The following RSPH14 variants were observed in gnomAD, a reference collection of about 807,000 sequenced individuals.
The protein encoded by RSPH14 is radial spoke head 14 homolog.
RSPH14 carries 20 observed loss-of-function variants against 26.7 expected under a neutral mutation model. The observed-to-expected ratio is 0.75, with a 90% CI of 0.53 to 1.09. The LOEUF is 1.09. Among genes scored for constraint, RSPH14 ranks in the 50% least tolerant of loss-of-function variants. The probability of loss-of-function intolerance (pLI) is 0.00; values close to 1 mark genes in which losing one functional copy is unlikely to be tolerated. For synonymous variants in RSPH14, 177 were observed against 189.3 expected (o/e 0.93, Z 0.53); for missense variants, 449 against 457.2 (o/e 0.98, Z 0.16).
At chr22:23,059,751 G>A (rs2068052251) in intron 6 of RSPH14, 33 bp from the exon 7 acceptor site, 1 of 1,494,686 alleles carries the variant, frequency 6.7e-7, no homozygotes, top group African/African-American at 1.4e-5. Flanking sequence ...GTTCCAAACA[G>A]CCCAAGGGGC....
At chr22:23,078,631 C>T (rs547474098) in intron 4 of RSPH14, among the ~76,000 whole-genome samples, 2 of 152,340 alleles carry the variant, frequency 1.3e-5, no homozygotes, top group South Asian at 4.1e-4. Flanking sequence ...ACTGCGGTCC[C>T]CAGGGACCAC....
intron 4 of RSPH14, among the ~76,000 whole-genome samples, chr22:23,086,032 C>T (rs1201045997): frequency 6.6e-6 from 1 of 152,390 alleles, no homozygotes; most frequent in East Asian, 1.9e-4. Flanking sequence ...TGGCTAGTGG[C>T]AGAAGCGGTT....
chr22:23,160,738 TG>T, the RSPH14 span: 1 of 1,190,546 alleles, frequency 8.4e-7, no homozygotes, highest in Non-Finnish European at 1.2e-6. Context: ...TGTGCCCTCC[TG>T]GGGTCATTGT....
At chr22:23,139,212 C>G (rs553035200) in intron 2 of RSPH14, among the ~76,000 whole-genome samples, 3 of 152,388 alleles carry the variant, frequency 2.0e-5, no homozygotes, top group Non-Finnish European at 2.9e-5. Context: ...AAGAAAATGG[C>G]CTTTGCCATT....
intron 4 of RSPH14, among the ~76,000 whole-genome samples, chr22:23,107,662 G>A (rs2069521747): frequency 6.6e-6 from 1 of 152,156 alleles, no homozygotes; most frequent in Admixed American, 6.5e-5. Context: ...AGAAGCACCG[G>A]AACCCACCAA....
At chr22:23,158,772 C>A in the RSPH14 span, 1 of 812,470 alleles carries the variant, frequency 1.2e-6, no homozygotes, top group Admixed American at 2.1e-5. Context: ...CAGTGTGGGC[C>A]AGGAAGCCCT....
the RSPH14 span, among the ~76,000 whole-genome samples, chr22:23,168,361 G>A: frequency 1.3e-5 from 2 of 152,302 alleles, no homozygotes; most frequent in East Asian, 3.9e-4. Flanking sequence ...GCAACCAAGG[G>A]AGCCCAGGAC....
intron 4 of RSPH14, among the ~76,000 whole-genome samples, chr22:23,122,888 A>G (rs886205511): frequency 6.6e-6 from 1 of 152,200 alleles, no homozygotes; most frequent in African/African-American, 2.4e-5. Flanking sequence ...GCCACTGGCA[A>G]GGAGGGTGCT....
chr22:23,122,744 T>G, intron 4 of RSPH14: 1 of 293,222 alleles, frequency 3.4e-6, no homozygotes, highest in Non-Finnish European at 6.4e-6. Flanking sequence ...AGATGGGGGG[T>G]CCTCGGAGCT....
At chr22:23,180,214 A>G in the RSPH14 span, 6 of 218,488 alleles carry the variant, frequency 2.7e-5, no homozygotes, top group African/African-American at 9.2e-5. Context: ...TTCCTGTTCC[A>G]GGACTGCAGA....
At chr22:23,122,148 A>C (rs912625317) in intron 4 of RSPH14, among the ~76,000 whole-genome samples, 2 of 152,210 alleles carry the variant, frequency 1.3e-5, no homozygotes, top group African/African-American at 4.8e-5. Flanking sequence ...AGCAAATTCC[A>C]GGTAGTTACT....
chr22:23,178,035 A>G, the RSPH14 span, among the ~76,000 whole-genome samples: 1 of 152,166 alleles, frequency 6.6e-6, no homozygotes, highest in African/African-American at 2.4e-5. Flanking sequence ...TCCTGGGCTC[A>G]AGCGATACTC....
chr22:23,084,040 G>A (rs1450813869), intron 4 of RSPH14, among the ~76,000 whole-genome samples: 1 of 152,200 alleles, frequency 6.6e-6, no homozygotes, highest in African/African-American at 2.4e-5. Context: ...TTAACAAGGA[G>A]GGAGGGGTGA....
At position 23,059,600 on chromosome 22, in the gene RSPH14, G is replaced by A. The variant is rs139557078; in HGVS notation, c.909C>T (p.Pro303=). 1.9e-5 allele frequency: 31 copies of A among 1,613,444 alleles called. No individual in the cohort carries two copies. Among genetic ancestry groups the A allele is most frequent in the African/African-American group, 2.7e-5 (2 of 74,878 alleles). ...TKALTMLAEA[P]EGRKALQTHV... ...GCGTCTGCAGGGCCTTGCGGCCCTC[G>A]GGGGCCTCTGCCAGCATGGTAAGGG... is the stretch of plus-strand genomic sequence containing the variant. The change falls in exon 7 of 7, where the codon CCC becomes CCT. Residue 303 remains proline, a synonymous_variant. Coordinates refer to ENST00000216036, the MANE Select transcript of RSPH14 (RefSeq NM_014433.3).
the RSPH14 span, chr22:23,180,120 C>G: frequency 3.9e-6 from 1 of 258,974 alleles, no homozygotes; most frequent in Non-Finnish European, 7.6e-6. Flanking sequence ...GCTCTTGTCC[C>G]GGAACATGAG....
intron 4 of RSPH14, among the ~76,000 whole-genome samples, chr22:23,065,403 G>T (rs1601728879): frequency 6.6e-6 from 1 of 152,070 alleles, no homozygotes; most frequent in Non-Finnish European, 1.5e-5. Flanking sequence ...CCCCTGGCCA[G>T]CTTCTCACTG....
the RSPH14 span, among the ~76,000 whole-genome samples, chr22:23,178,203 T>C: frequency 6.6e-6 from 1 of 151,926 alleles, no homozygotes; most frequent in Non-Finnish European, 1.5e-5. Context: ...GATCACGAGG[T>C]CAGGAGTTCA....
rs749466726 is a variant in RSPH14 at position 23,140,249 on chromosome 22, C to T, written c.172G>A (p.Glu58Lys). The T allele has an allele frequency of 3.1e-6, 5 of 1,613,902 alleles. No individual in the cohort carries two copies. Among genetic ancestry groups the T allele is most frequent in the Middle Eastern group, 1.7e-4 (1 of 6,032 alleles). Reference sequence around the variant, plus strand: ...ATGTTCATGGCCTTGTAGATACACTCGGGGTCATGCATGAGGTCACACAAG... The same window carrying T: ...ATGTTCATGGCCTTGTAGATACACTTGGGGTCATGCATGAGGTCACACAAG... The part of the protein sequence containing the change: ...MALCDLMHDP[E>K]CIYKAMNIGC... The change falls in exon 2 of 7, where the codon GAG becomes AAG. Residue 58 changes from glutamate to lysine, a missense_variant. Physicochemically the swap from Glu to Lys is moderately conservative, Grantham distance 56. Transcript: ENST00000216036.
At chr22:23,084,209 G>A (rs1163234729) in intron 4 of RSPH14, among the ~76,000 whole-genome samples, 2 of 152,172 alleles carry the variant, frequency 1.3e-5, no homozygotes, top group Non-Finnish European at 2.9e-5. Flanking sequence ...AACTTAGGAT[G>A]GTTTGACTTG....
Sources: allele counts gnomAD v4.1 joint callset (sites outside exome capture counted in the v4.1 genomes callset), GRCh38; gene constraint gnomAD v4.1.1; transcripts MANE v1.5; gene names NCBI Gene and HGNC (gene_info 2026-07-23, HGNC 2026-07-21).